Variants in TRPM1 observed in about 807,000 individuals in gnomAD.
TRPM1 encodes transient receptor potential cation channel subfamily M member 1, also known as TRPM1-203 APA Isoform, Intron 10.
A neutral mutation model predicts 149.4 loss-of-function variants in TRPM1; 113 were observed. That is an observed-to-expected ratio of 0.76 (90% CI 0.65 to 0.88). The LOEUF is 0.88. Ranked by LOEUF, TRPM1 falls within the 40% of genes least tolerant of loss-of-function variation. The probability of loss-of-function intolerance (pLI) is 0.00; values close to 1 mark genes in which losing one functional copy is unlikely to be tolerated. For synonymous variants in TRPM1, 741 were observed against 759.5 expected, an observed-to-expected ratio of 0.98 and a Z score of 0.40; for missense variants, 1,976 against 2,038.7, an observed-to-expected ratio of 0.97 and a Z score of 0.59.
chr15:31,137,517 G>T (rs940293823), intron 1 of TRPM1, among the ~76,000 whole-genome samples: 10 of 152,196 alleles, frequency 6.6e-5, no homozygotes, highest in Non-Finnish European at 1.5e-4. Flanking sequence ...TGAGTCTCAA[G>T]CCCCTTGAAT....
chr15:31,045,011 T>G (rs1423830512), intron 16 of TRPM1, among the ~76,000 whole-genome samples: 1 of 152,132 alleles, frequency 6.6e-6, no homozygotes, highest in East Asian at 1.9e-4. Flanking sequence ...TATTATGAAA[T>G]GCACACTTCT....
chr15:31,097,788 C>T (rs551990839), intron 1 of TRPM1, among the ~76,000 whole-genome samples: 1 of 152,180 alleles, frequency 6.6e-6, no homozygotes, highest in Non-Finnish European at 1.5e-5. Context: ...TAGACCCTGG[C>T]TACCTGGGGC....
intron 1 of TRPM1, among the ~76,000 whole-genome samples, chr15:31,113,388 A>C (rs138327916): frequency 3.4e-4 from 52 of 151,972 alleles, no homozygotes; most frequent in Middle Eastern, 3.4e-3. Flanking sequence ...GGGGTTCTCC[A>C]AAGGGTCACC....
intron 11 of TRPM1, among the ~76,000 whole-genome samples, chr15:31,055,152 C>T (rs2034049724): frequency 6.6e-6 from 1 of 152,150 alleles, no homozygotes; most frequent in Admixed American, 6.5e-5. Flanking sequence ...ACAGGCACAT[C>T]CTTTCTTGAG....
At chr15:31,135,641 G>A (rs537570327) in intron 1 of TRPM1, among the ~76,000 whole-genome samples, 11 of 151,960 alleles carry the variant, frequency 7.2e-5, no homozygotes, top group East Asian at 1.9e-4. Context: ...AGGTGTTTGC[G>A]TCATGGGGGC....
At chr15:31,046,408 T>C (rs368252414) in intron 15 of TRPM1, among the ~76,000 whole-genome samples, 175 bp from the exon 16 acceptor site, 3 of 152,214 alleles carry the variant, frequency 2.0e-5, no homozygotes, top group African/African-American at 7.2e-5. Context: ...AAACTCTTCT[T>C]CTGTCAGCAG....
intron 1 of TRPM1, among the ~76,000 whole-genome samples, chr15:31,112,926 T>G (rs1409764531): frequency 1.3e-5 from 2 of 152,180 alleles, no homozygotes; most frequent in African/African-American, 4.8e-5. Context: ...AAATACCTCT[T>G]AATATTTCAC....
At chr15:31,088,740 C>T (rs116921401) in intron 1 of TRPM1, among the ~76,000 whole-genome samples, 78 of 151,498 alleles carry the variant, frequency 5.1e-4, no homozygotes, top group Middle Eastern at 3.4e-3. Context: ...CGGTATTCGT[C>T]TTCCTGCTAC....
At chr15:31,156,745 A>C (rs1044563013) in intron 1 of TRPM1, among the ~76,000 whole-genome samples, 1 of 152,152 alleles carries the variant, frequency 6.6e-6, no homozygotes, top group African/African-American at 2.4e-5. Flanking sequence ...ACCTCTTGAG[A>C]CTGTGCCTTG....
chr15:31,032,884 C>G lies in TRPM1; in HGVS notation c.2757G>C (p.Glu919Asp), dbSNP rs937216495. Residue 919 changes from glutamate (E) to aspartate (D), a missense_variant, in exon 22 of 28, where the codon GAG (glutamate) becomes GAC (aspartate). Physicochemically the swap from Glu to Asp is conservative, Grantham distance 45 (BLOSUM62 2). Around this residue, in one of 3 missense-constraint regions of TRPM1, gnomAD observed 1,332 missense variants for 1,347.1 expected, o/e 0.99. Coordinates refer to ENST00000256552, the MANE Select transcript of TRPM1 (RefSeq NM_001252024.2). The part of the protein sequence containing the change: ...LSQKIKVWLQ[E>D]YWNITDLVAI... ...CCACGAGATCTGTGATGTTCCAGTA[C>G]TCCTGAAGCCAAACTTTGATTTTCT... 6.2e-7 allele frequency: 1 copy of G among 1,614,220 alleles called. No homozygotes were observed. Among genetic ancestry groups the G allele is most frequent in the African/African-American group, 1.3e-5 (1 of 75,060 alleles).
chr15:31,069,949 G>T (rs776924628), intron 4 of TRPM1, 82 bp downstream of exon 4: 7 of 1,613,132 alleles, frequency 4.3e-6, no homozygotes, highest in East Asian at 2.2e-5. Context: ...AGAAGACCAG[G>T]TATCTGCAGT....
intron 3 of TRPM1, among the ~76,000 whole-genome samples, chr15:31,073,414 T>C (rs1486049606): frequency 6.6e-6 from 1 of 152,162 alleles, no homozygotes; most frequent in Non-Finnish European, 1.5e-5. Context: ...TAGCTTTGTA[T>C]TAAGTTTTGA....
chr15:31,097,541 A>C (rs2035417550), intron 1 of TRPM1, among the ~76,000 whole-genome samples: 1 of 152,156 alleles, frequency 6.6e-6, no homozygotes, highest in Non-Finnish European at 1.5e-5. Context: ...ATTTTAAGCT[A>C]AGTGAAAAAT....
chr15:31,115,846 T>C (rs1301279817), intron 1 of TRPM1, among the ~76,000 whole-genome samples: 1 of 151,922 alleles, frequency 6.6e-6, no homozygotes, highest in Non-Finnish European at 1.5e-5. Flanking sequence ...AACATTTATT[T>C]CTCACAGTTC....
intron 16 of TRPM1, 77 bp downstream of exon 16, chr15:31,046,127 C>T (rs1335412459): frequency 1.9e-5 from 28 of 1,463,178 alleles, no homozygotes; most frequent in South Asian, 6.9e-5. Flanking sequence ...ATCGTATATT[C>T]GCAAATACAG....
At chr15:31,082,207 C>T (rs2034878938) in intron 1 of TRPM1, among the ~76,000 whole-genome samples, 1 of 152,190 alleles carries the variant, frequency 6.6e-6, no homozygotes, top group South Asian at 2.1e-4. Context: ...TGAGATACTG[C>T]CCACTTGTGC....
chr15:31,088,304 G>T (rs1412301631), intron 1 of TRPM1, among the ~76,000 whole-genome samples: 4 of 152,210 alleles, frequency 2.6e-5, no homozygotes, highest in African/African-American at 4.8e-5. Context: ...GGTCACCAGC[G>T]CCAGCCCTGG....
intron 1 of TRPM1, among the ~76,000 whole-genome samples, chr15:31,138,925 T>A (rs529686812): frequency 6.7e-5 from 10 of 149,910 alleles, no homozygotes; most frequent in East Asian, 3.9e-4. Context: ...AGTTTACATT[T>A]AAAAAAAAAA....
At chr15:31,047,557 G>A (rs546947080) in intron 14 of TRPM1, among the ~76,000 whole-genome samples, 6 of 152,320 alleles carry the variant, frequency 3.9e-5, no homozygotes, top group Admixed American at 6.5e-5. Flanking sequence ...GGGACAGAAC[G>A]AGAGGCTGCA....
Sources: allele counts gnomAD v4.1 joint callset (sites outside exome capture counted in the v4.1 genomes callset), GRCh38; gene constraint gnomAD v4.1.1; regional missense constraint gnomAD v4.1.1; transcripts MANE v1.5; gene names NCBI Gene and HGNC (gene_info 2026-07-23, HGNC 2026-07-21).